Variants in RCC2 observed in about 807,000 individuals in gnomAD.
RCC2 encodes the protein regulator of chromosome condensation 2, also known as protein RCC2.
A neutral mutation model predicts 64.1 loss-of-function variants in RCC2; 19 were observed. The observed-to-expected ratio is 0.30, with a 90% CI of 0.21 to 0.44. The LOEUF (loss-of-function observed/expected upper bound fraction) is 0.44. Among genes scored for constraint, RCC2 ranks in the 20% least tolerant of loss-of-function variants. RCC2 has a pLI of 1.00. For synonymous variants in RCC2, 325 were observed against 279.6 expected, an observed-to-expected ratio of 1.16 and a Z score of -1.62; for missense variants, 508 against 710.4, an observed-to-expected ratio of 0.72 and a Z score of 3.24.
At chr1:17,423,358 T>C (rs2075576531) in intron 4 of RCC2, among the ~76,000 whole-genome samples, 1 of 152,202 alleles carries the variant, frequency 6.6e-6, no homozygotes, top group Non-Finnish European at 1.5e-5. Flanking sequence ...GGTGCTCACA[T>C]AACAGTGCCA....
chr1:17,422,281 G>A lies in RCC2; in HGVS notation c.666C>T (p.Ser222=), dbSNP rs1302050611. ...TCTTGTTTTCCCCAAACGCAAACAC[G>A]GAGCCCGTTTCTGGAAGAAAGGAAA... The part of the protein sequence containing the change: ...NHTLALTETG[S]VFAFGENKMG... The change falls in exon 6 of 13, where the codon TCC becomes TCT. Residue 222 remains serine, a synonymous_variant. Transcript: ENST00000375436. 1.6e-5 allele frequency: 26 copies of A among 1,611,640 alleles called. No homozygotes were observed. The highest frequency in any genetic ancestry group is 4.5e-5 in the East Asian group (2 of 44,838).
chr1:17,431,359 A>ATATATATATATATATATATAT (rs1265674393), intron 2 of RCC2, among the ~76,000 whole-genome samples: 4 of 44,936 alleles, frequency 8.9e-5, no homozygotes, highest in South Asian at 7.3e-4. Flanking sequence ...AAAAAAAAAA[A>ATATATATATATATATATATAT]ATATATATAT....
At chr1:17,429,034 A>G (rs2075647470) in intron 3 of RCC2, 72 bp downstream of exon 3, 8 of 1,172,030 alleles carry the variant, frequency 6.8e-6, no homozygotes, top group African/African-American at 1.5e-5. Flanking sequence ...GGGAATACCT[A>G]CCAGGCAGGT....
In RCC2 at chr1:17,429,165, A is replaced by G; in HGVS notation, c.320T>C (p.Leu107Ser). ...LEGSKCKGQL[L>S]IFGATNWDLI... is the part of the protein sequence containing the mutation. ...GTCCCAGTTGGTTGCCCCAAAAATC[A>G]AAAGCTGCCCTTTGCACTTTGACCC... The change falls in exon 3 of 13, where the codon TTG (leucine) becomes TCG (serine). Residue 107 changes from leucine (L) to serine (S), a missense_variant. Around this residue, in one of 4 missense-constraint regions of RCC2, gnomAD observed 132 missense variants for 207.3 expected, o/e 0.64. Coordinates refer to ENST00000375436, the MANE Select transcript of RCC2 (RefSeq NM_018715.4). 1 of 1,614,218 alleles carries G rather than the reference A, an allele frequency of 6.2e-7. No homozygotes were observed. Among genetic ancestry groups the G allele is most frequent in the Non-Finnish European group, 8.5e-7 (1 of 1,180,030 alleles).
intron 4 of RCC2, among the ~76,000 whole-genome samples, chr1:17,423,830 TTGTGA>T (rs1460686655): frequency 3.3e-5 from 5 of 152,120 alleles, no homozygotes; most frequent in Non-Finnish European, 7.3e-5. Flanking sequence ...CACCCTTAGG[TTGTGA>T]TAAAGGCAGA....
At chr1:17,438,136 G>C (rs2075760127) in intron 2 of RCC2, 94 bp downstream of exon 2, 2 of 951,960 alleles carry the variant, frequency 2.1e-6, no homozygotes, top group Non-Finnish European at 2.6e-6. Flanking sequence ...AGCGTGACGC[G>C]AGGCGGCCCC....
intron 3 of RCC2, among the ~76,000 whole-genome samples, chr1:17,427,664 C>G (rs1268258630): frequency 6.6e-6 from 1 of 152,110 alleles, no homozygotes; most frequent in Non-Finnish European, 1.5e-5. Context: ...CGGTGCCACA[C>G]TTGAACTTGC....
Position 17,410,626 on chromosome 1 carries a change from T to C in RCC2, c.1387-575A>G, listed in dbSNP as rs1302253224. Reference sequence around the variant, plus strand: ...TGTGCAAAGGTGTGGAGCTGGGCAATTGAAAGACTGAAGGCCCTGGCTCAG... The same window carrying C: ...TGTGCAAAGGTGTGGAGCTGGGCAACTGAAAGACTGAAGGCCCTGGCTCAG... On this transcript the variant is annotated intron_variant, in intron 11 of 12. Transcript: ENST00000375436. Among the ~76,000 whole-genome samples the C allele has an allele frequency of 2.0e-5, 3 of 152,092 alleles. 1 individual carries two copies. The highest frequency in any genetic ancestry group is 4.4e-5 in the Non-Finnish European group (3 of 68,010).
intron 3 of RCC2, among the ~76,000 whole-genome samples, chr1:17,427,243 C>T (rs2075626376): frequency 6.6e-6 from 1 of 152,174 alleles, no homozygotes; most frequent in South Asian, 2.1e-4. Flanking sequence ...TACGTTCCAG[C>T]CCCACCCTCC....
intron 7 of RCC2, among the ~76,000 whole-genome samples, chr1:17,420,375 T>A (rs1052397044): frequency 5.9e-5 from 9 of 152,232 alleles, no homozygotes; most frequent in Non-Finnish European, 1.2e-4. Flanking sequence ...TCATTTTCAA[T>A]AAAGGCATAA....
chr1:17,409,580 A>T (rs2075403396), intron 12 of RCC2, among the ~76,000 whole-genome samples: 1 of 152,160 alleles, frequency 6.6e-6, no homozygotes, highest in Non-Finnish European at 1.5e-5. Context: ...TGGCTGACTG[A>T]GCCGCAGGGG....
intron 3 of RCC2, 151 bp from the exon 4 acceptor site, chr1:17,425,835 A>G (rs932529159): frequency 6.6e-6 from 5 of 762,302 alleles, no homozygotes; most frequent in African/African-American, 5.3e-5. Context: ...AGGCTGCACA[A>G]GGATCGGGTT....
chr1:17,437,274 G>A (rs1162544519), intron 2 of RCC2, among the ~76,000 whole-genome samples: 1 of 152,160 alleles, frequency 6.6e-6, no homozygotes, highest in Non-Finnish European at 1.5e-5. Context: ...AAACCTCTCC[G>A]GGTGTCAGGC....
intron 4 of RCC2, among the ~76,000 whole-genome samples, chr1:17,423,138 C>T (rs956746350): frequency 1.3e-5 from 2 of 152,214 alleles, no homozygotes; most frequent in Non-Finnish European, 2.9e-5. Flanking sequence ...ACACCATGCA[C>T]AGGCGGGCAT....
chr1:17,425,599 C>G lies in RCC2; in HGVS notation c.465G>C (p.Ser155=). ...GGAGGCTGTGTGCAGCACACGAGCC[C>G]GAGACCACTGTCCGCACCCGGACCC... The part of the protein sequence containing the change: ...LAGVRVRTVV[S]GSCAAHSLLI... Residue 155 remains serine (S), a synonymous_variant, in exon 4 of 13, where the codon TCG becomes TCC. Transcript: ENST00000375436. 1 of 1,614,074 alleles carries G rather than the reference C, an allele frequency of 6.2e-7. No individual in the cohort carries two copies. The highest frequency in any genetic ancestry group is 2.2e-5 in the East Asian group (1 of 44,858).
Position 17,406,805 on chromosome 1 carries a change from AATAT to A in RCC2, c.*2281_*2284del, listed in dbSNP as rs1470924789. ...TTTATTTAAAATGTTTACTCCAAGAAATATATATATAAAAAAAATAATAAGACAA... is the reference window on the plus strand; with the variant it reads ...TTTATTTAAAATGTTTACTCCAAGAAATATATAAAAAAAATAATAAGACAA... On this transcript the variant is annotated 3_prime_UTR_variant, in exon 13 of 13. Coordinates refer to ENST00000375436, the MANE Select transcript of RCC2 (RefSeq NM_018715.4). 2 of 152,138 alleles carry A rather than the reference AATAT, an allele frequency of 1.3e-5. No homozygotes were observed. Among genetic ancestry groups the A allele is most frequent in the Admixed American group, 6.5e-5 (1 of 15,286 alleles). The allele number at this position is 152,138 out of a possible 1,614,324, so 9.4% of individuals were successfully genotyped here.
In RCC2 at chr1:17,422,774, T is replaced by C. The variant is rs1160263855; in HGVS notation, c.586A>G (p.Ile196Val). Reference protein sequence around the residue: ...DTKRVEAPRLIEGLSHEVIVS... With the variant: ...DTKRVEAPRLVEGLSHEVIVS... Reference sequence around the variant, plus strand: ...ATCACTTCGTGGCTAAGACCCTCGATGAGTCTAGGGGCTTCTACTCTCTTG... The same window carrying C: ...ATCACTTCGTGGCTAAGACCCTCGACGAGTCTAGGGGCTTCTACTCTCTTG... Residue 196 changes from isoleucine to valine, a missense_variant, in exon 5 of 13, where the codon ATC becomes GTC. This residue lies in a region of RCC2 where 132 missense variants were observed against 207.3 expected (regional missense o/e 0.64). Transcript: ENST00000375436. The C allele has an allele frequency of 1.9e-6, 3 of 1,613,958 alleles. No individual in the cohort carries two copies. The highest frequency in any genetic ancestry group is 2.5e-6 in the Non-Finnish European group (3 of 1,179,996).
chr1:17,434,752 G>A (rs2075718390), intron 2 of RCC2, among the ~76,000 whole-genome samples: 1 of 152,232 alleles, frequency 6.6e-6, no homozygotes, highest in South Asian at 2.1e-4. Context: ...CAGCCGGTGT[G>A]TGCTGCAGAA....
intron 4 of RCC2, 112 bp from the exon 5 acceptor site, chr1:17,422,948 G>A: frequency 7.5e-7 from 1 of 1,327,460 alleles, no homozygotes; most frequent in Non-Finnish European, 1.0e-6. Flanking sequence ...TCTCTGGAAG[G>A]TACCCTCCAA....
Sources: gnomAD v4.1 joint callset for allele counts (sites outside exome capture counted in the v4.1 genomes callset) on GRCh38, gnomAD v4.1.1 for gene constraint, gnomAD v4.1.1 regional missense constraint, MANE v1.5 for transcripts, NCBI Gene and HGNC (gene_info 2026-07-23, HGNC 2026-07-21) for gene names.